GLIS3: variants seen among roughly 807,000 people sequenced by gnomAD.
The protein encoded by GLIS3 is zinc finger protein GLIS3.
In GLIS3, 53 loss-of-function variants were observed where a neutral mutation model predicts 78.6. That is an observed-to-expected ratio of 0.67 (90% confidence interval 0.54 to 0.85). GLIS3 has a LOEUF of 0.85. Among genes scored for constraint, GLIS3 ranks in the 40% least tolerant of loss-of-function variants. The probability of loss-of-function intolerance (pLI) is 0.00; values close to 1 mark genes in which losing one functional copy is unlikely to be tolerated. For synonymous variants in GLIS3, 684 were observed against 509.9 expected (o/e 1.34, Z -4.60); for missense variants, 1,703 against 1,231.1 (o/e 1.38, Z -5.74).
chr9:4,022,527 A>G (rs932349502), intron 4 of GLIS3, among the ~76,000 whole-genome samples: 1 of 152,194 alleles, frequency 6.6e-6, no homozygotes, highest in Non-Finnish European at 1.5e-5. Context: ...GATTCCCTAA[A>G]AAGTTAAACA....
chr9:4,408,951 C>T, the GLIS3 span, among the ~76,000 whole-genome samples: 1 of 151,074 alleles, frequency 6.6e-6, no homozygotes, highest in Admixed American at 6.6e-5. Context: ...TCTCATATAC[C>T]CCACACATAC....
At chr9:4,168,666 T>A (rs144893569) in intron 2 of GLIS3, among the ~76,000 whole-genome samples, 3 of 152,354 alleles carry the variant, frequency 2.0e-5, no homozygotes, top group African/African-American at 7.2e-5. Context: ...AAAAGATTTA[T>A]GTATCATTTT....
At chr9:4,091,549 C>G (rs1023461759) in intron 4 of GLIS3, among the ~76,000 whole-genome samples, 1 of 151,954 alleles carries the variant, frequency 6.6e-6, no homozygotes, top group African/African-American at 2.4e-5. Context: ...ACACACACAA[C>G]CACATAAGTA....
chr9:4,403,915 C>G, the GLIS3 span, among the ~76,000 whole-genome samples: 13 of 151,974 alleles, frequency 8.6e-5, no homozygotes, highest in Non-Finnish European at 1.6e-4. Flanking sequence ...ATGCTCCAAT[C>G]AAAAGACAGA....
At chr9:4,212,359 C>A (rs34382833) in intron 2 of GLIS3, among the ~76,000 whole-genome samples, 14,445 of 152,150 alleles carry the variant, frequency 0.095, 698 homozygotes, top group Non-Finnish European at 0.11. Context: ...GGATCAATCA[C>A]GAAACCCATT....
Position 3,827,362 on chromosome 9 carries a change from G to T in GLIS3, c.*910C>A, listed in dbSNP as rs1817778582. ...CAGAGTGGAGGCAATGGGTAAACCA[G>T]TCAAACAACATTTTTCTTTGAACAC... is the stretch of plus-strand genomic sequence containing the variant. On this transcript the variant is annotated 3_prime_UTR_variant, in exon 11 of 11. Transcript: ENST00000381971. 1 of 152,234 alleles carries T rather than the reference G, an allele frequency of 6.6e-6. No individual in the cohort carries two copies. Among genetic ancestry groups the T allele is most frequent in the Admixed American group, 6.5e-5 (1 of 15,284 alleles). 9.4% of individuals were successfully genotyped at this position (152,234 alleles called of 1,614,324 possible).
At chr9:4,258,987 C>T (rs1304363824) in intron 2 of GLIS3, among the ~76,000 whole-genome samples, 1 of 152,150 alleles carries the variant, frequency 6.6e-6, no homozygotes, top group African/African-American at 2.4e-5. Flanking sequence ...ACCTAGCAAA[C>T]CATTTTACTC....
chr9:4,213,090 C>T (rs1328245333), intron 2 of GLIS3, among the ~76,000 whole-genome samples: 7 of 152,162 alleles, frequency 4.6e-5, no homozygotes, highest in Non-Finnish European at 7.3e-5. Flanking sequence ...CTCCTACGTG[C>T]CATCAATTCA....
At chr9:4,411,804 G>A in the GLIS3 span, among the ~76,000 whole-genome samples, 1 of 152,156 alleles carries the variant, frequency 6.6e-6, no homozygotes, top group East Asian at 1.9e-4. Context: ...ATTTTTCTCT[G>A]CAATCCTCTT....
chr9:4,141,075 T>C (rs1452942301), intron 2 of GLIS3, among the ~76,000 whole-genome samples: 1 of 152,152 alleles, frequency 6.6e-6, no homozygotes, highest in Non-Finnish European at 1.5e-5. Context: ...TCAGAGATTA[T>C]AGGTGTGAGC....
intron 4 of GLIS3, among the ~76,000 whole-genome samples, chr9:4,058,647 CCTT>C (rs1376907403): frequency 6.6e-6 from 1 of 152,116 alleles, no homozygotes; most frequent in African/African-American, 2.4e-5. Flanking sequence ...TTTGCTTGCT[CCTT>C]CTTATGTCTT....
chr9:4,066,328 C>T (rs941085669), intron 4 of GLIS3, among the ~76,000 whole-genome samples: 1 of 152,128 alleles, frequency 6.6e-6, no homozygotes, highest in Non-Finnish European at 1.5e-5. Flanking sequence ...CAGGGAGGCA[C>T]CGTGGGTGGG....
chr9:3,935,252 G>C (rs1825825978), intron 5 of GLIS3, among the ~76,000 whole-genome samples: 1 of 152,154 alleles, frequency 6.6e-6, no homozygotes, highest in South Asian at 2.1e-4. Context: ...TTACTAATTT[G>C]TTAAATGCAG....
At chr9:3,843,310 A>G (rs567439946) in intron 9 of GLIS3, among the ~76,000 whole-genome samples, 3 of 152,286 alleles carry the variant, frequency 2.0e-5, no homozygotes, top group African/African-American at 2.4e-5. Flanking sequence ...CAATGACTCA[A>G]TTATTTTTCC....
intron 2 of GLIS3, among the ~76,000 whole-genome samples, chr9:4,331,521 C>G (rs1817685557): frequency 6.6e-6 from 1 of 152,190 alleles, no homozygotes; most frequent in African/African-American, 2.4e-5. Flanking sequence ...CAGCTCATGA[C>G]ACTGATTGGT....
At chr9:3,908,216 T>C (rs583963) in intron 6 of GLIS3, among the ~76,000 whole-genome samples, 29 of 152,210 alleles carry the variant, frequency 1.9e-4, no homozygotes, top group African/African-American at 7.0e-4. Flanking sequence ...TTGCTGCTTG[T>C]TACTGTATAG....
At chr9:4,436,130 C>G in the GLIS3 span, among the ~76,000 whole-genome samples, 2 of 152,126 alleles carry the variant, frequency 1.3e-5, no homozygotes, top group African/African-American at 2.4e-5. Context: ...TTGGACTCAA[C>G]AATGCTTCTC....
chr9:4,146,516 A>G (rs1834237383), intron 2 of GLIS3, among the ~76,000 whole-genome samples: 1 of 152,162 alleles, frequency 6.6e-6, no homozygotes, highest in Non-Finnish European at 1.5e-5. Context: ...AACTGTCCTC[A>G]TCTCTGACAT....
At chr9:4,129,196 T>C (rs1832783308) in intron 2 of GLIS3, among the ~76,000 whole-genome samples, 1 of 152,282 alleles carries the variant, frequency 6.6e-6, no homozygotes, top group African/African-American at 2.4e-5. Flanking sequence ...CTTCTCAGAA[T>C]TGTGCAGTGT....
Sources: gnomAD v4.1 joint callset for allele counts (sites outside exome capture counted in the v4.1 genomes callset) on GRCh38, gnomAD v4.1.1 for gene constraint, MANE v1.5 for transcripts, NCBI Gene and HGNC (gene_info 2026-07-23, HGNC 2026-07-21) for gene names.